The following PCDHA4 variants were observed in gnomAD, a reference collection of about 807,000 sequenced individuals.
PCDHA4 encodes protocadherin alpha-4.
A neutral mutation model predicts 61.4 loss-of-function variants in PCDHA4; 49 were observed. The observed-to-expected ratio is 0.80, with a 90% CI of 0.63 to 1.01. The LOEUF is 1.01. PCDHA4 is among the 50% of genes least tolerant of loss of function. The probability of loss-of-function intolerance (pLI) is 0.00; values close to 1 mark genes in which losing one functional copy is unlikely to be tolerated. For synonymous variants in PCDHA4, 590 were observed against 550.3 expected, an observed-to-expected ratio of 1.07 and a Z score of -1.01; for missense variants, 1,254 against 1,235.8, an observed-to-expected ratio of 1.01 and a Z score of -0.22.
intron 1 of PCDHA4, chr5:140,821,874 G>A (rs199540221): frequency 2.2e-5 from 35 of 1,614,080 alleles, no homozygotes; most frequent in African/African-American, 4.0e-5. Context: ...TCCACTACTC[G>A]ATCCCGGAGG....
chr5:140,830,452 GA>G (rs2150186813), intron 1 of PCDHA4: 1 of 1,597,194 alleles, frequency 6.3e-7, no homozygotes, highest in Non-Finnish European at 8.5e-7. Flanking sequence ...GTAAGGCGGA[GA>G]ATCAGGATTT....
At chr5:140,964,609 T>A (rs2095843840) in intron 1 of PCDHA4, among the ~76,000 whole-genome samples, 1 of 152,062 alleles carries the variant, frequency 6.6e-6, no homozygotes, top group Non-Finnish European at 1.5e-5. Context: ...AACTTACAAC[T>A]TGATTCCACT....
chr5:140,963,109 T>G (rs1490746394), intron 1 of PCDHA4, among the ~76,000 whole-genome samples: 1 of 152,128 alleles, frequency 6.6e-6, no homozygotes, highest in Non-Finnish European at 1.5e-5. Context: ...TCAGGTTGCT[T>G]ATAATTAAAG....
chr5:140,987,850 A>G lies in PCDHA4; in HGVS notation c.2533+5287A>G, dbSNP rs115051779. Among the ~76,000 whole-genome samples, 1,266 of 152,242 alleles carry G rather than the reference A, an allele frequency of 8.3e-3. 21 individuals are homozygous for G. Among genetic ancestry groups the G allele is most frequent in the African/African-American group, 0.028 (1,145 of 41,532 alleles). On this transcript the variant is annotated intron_variant, in intron 3 of 3. Coordinates refer to ENST00000530339, the MANE Select transcript of PCDHA4 (RefSeq NM_018907.4). ...GGGATTGCTTTTGCCCTGATTTGCCACATCTCTTTACTCTGTGGAAAATGG... is the reference window on the plus strand; with the variant it reads ...GGGATTGCTTTTGCCCTGATTTGCCGCATCTCTTTACTCTGTGGAAAATGG...
At chr5:140,905,035 G>C (rs1554191907) in intron 1 of PCDHA4, among the ~76,000 whole-genome samples, 1 of 152,136 alleles carries the variant, frequency 6.6e-6, no homozygotes. Flanking sequence ...AAGCTTTTTA[G>C]TTTAATTAGG....
chr5:140,983,054 G>A (rs933321433), intron 3 of PCDHA4, among the ~76,000 whole-genome samples: 1 of 151,858 alleles, frequency 6.6e-6, no homozygotes. Flanking sequence ...GAAAATTATC[G>A]GAACCAAGGC....
At chr5:140,897,874 T>C (rs541496059) in intron 1 of PCDHA4, among the ~76,000 whole-genome samples, 2,161 of 152,206 alleles carry the variant, frequency 0.014, 44 homozygotes, top group African/African-American at 0.049. Context: ...TTTTAATGAT[T>C]GCCATTCTAA....
chr5:140,876,774 G>T (rs370558767), intron 1 of PCDHA4: 28 of 1,614,110 alleles, frequency 1.7e-5, no homozygotes, highest in Non-Finnish European at 2.3e-5. Flanking sequence ...GCTCGCCTTC[G>T]CTGTGGGCCA....
intron 1 of PCDHA4, among the ~76,000 whole-genome samples, chr5:140,923,134 G>A (rs962370475): frequency 3.9e-5 from 6 of 152,106 alleles, no homozygotes; most frequent in African/African-American, 1.2e-4. Flanking sequence ...CACTTTGAAG[G>A]TGGAATATAA....
intron 1 of PCDHA4, chr5:140,828,014 T>C: frequency 6.6e-7 from 1 of 1,509,628 alleles, no homozygotes; most frequent in Non-Finnish European, 8.9e-7. Context: ...AGAAATGGAT[T>C]AATAAATTCC....
At chr5:140,867,196 T>G (rs2049814377) in intron 1 of PCDHA4, 1 of 152,086 alleles carries the variant, frequency 6.6e-6, no homozygotes, top group Non-Finnish European at 1.5e-5. Context: ...AGACTCCACA[T>G]TCCATGTAAC....
intron 1 of PCDHA4, among the ~76,000 whole-genome samples, chr5:140,931,212 T>A (rs556351535): frequency 3.5e-4 from 54 of 152,168 alleles, no homozygotes; most frequent in Non-Finnish European, 3.5e-4. Context: ...GTATTTCAGG[T>A]ATCAGAGCAC....
intron 1 of PCDHA4, chr5:140,871,080 G>A: frequency 6.2e-7 from 1 of 1,613,212 alleles, no homozygotes; most frequent in Non-Finnish European, 8.5e-7. Flanking sequence ...CGGCGCTGAC[G>A]GCCACGGCCA....
At chr5:140,989,829 C>A (rs1554251113) in intron 3 of PCDHA4, among the ~76,000 whole-genome samples, 3 of 152,124 alleles carry the variant, frequency 2.0e-5, no homozygotes, top group Non-Finnish European at 2.9e-5. Context: ...TGCCAGGAAG[C>A]CTGTCAATGA....
chr5:140,908,142 A>T (rs1371459142), intron 1 of PCDHA4, among the ~76,000 whole-genome samples: 1 of 152,158 alleles, frequency 6.6e-6, no homozygotes, highest in East Asian at 1.9e-4. Context: ...TCCTTCAGGT[A>T]TGTCCTAGGA....
chr5:140,868,875 C>T (rs1033473828), intron 1 of PCDHA4: 3 of 661,952 alleles, frequency 4.5e-6, no homozygotes, highest in African/African-American at 3.6e-5. Context: ...GTGCACAGTA[C>T]TCACAGTTTT....
chr5:140,914,073 C>T (rs1314205032), intron 1 of PCDHA4, among the ~76,000 whole-genome samples: 2 of 152,120 alleles, frequency 1.3e-5, no homozygotes, highest in Non-Finnish European at 2.9e-5. Flanking sequence ...TGCTCCATAA[C>T]TATCTATTAG....
intron 1 of PCDHA4, among the ~76,000 whole-genome samples, chr5:140,919,978 A>C (rs993704497): frequency 7.5e-6 from 1 of 134,032 alleles, no homozygotes; most frequent in Non-Finnish European, 1.7e-5. Flanking sequence ...AAGAGATAGA[A>C]GATGGAAAAC....
At position 140,927,438 on chromosome 5, in the gene PCDHA4, C is replaced by A. The variant is rs1446762816; in HGVS notation, c.2386-51511C>A. ...GATCGCGGGTTGACGGCAGCGAATACCCGGAGTTGGTGTTGGAGAAAGCAC... is the reference window on the plus strand; with the variant it reads ...GATCGCGGGTTGACGGCAGCGAATAACCGGAGTTGGTGTTGGAGAAAGCAC... On this transcript the variant is annotated intron_variant, in intron 1 of 3. Coordinates refer to ENST00000530339, the MANE Select transcript of PCDHA4 (RefSeq NM_018907.4). 3 of 1,614,032 alleles carry A rather than the reference C, an allele frequency of 1.9e-6. No individual in the cohort carries two copies. The Admixed American group carries it at 5.0e-5, about 27-fold the overall frequency.
Sources: allele counts gnomAD v4.1 joint callset (sites outside exome capture counted in the v4.1 genomes callset), GRCh38; gene constraint gnomAD v4.1.1; transcripts MANE v1.5; gene names NCBI Gene and HGNC (gene_info 2026-07-23, HGNC 2026-07-21).